The following C2 variants were observed in gnomAD, a reference collection of about 807,000 sequenced individuals.
C2 encodes the protein complement C2, also known as C3/C5 convertase.
Under a neutral mutation model 85.2 loss-of-function variants are expected in C2, and 64 were observed. The ratio of observed to expected loss-of-function variants is 0.75; its 90% confidence interval spans 0.61 to 0.92. C2 has a LOEUF of 0.92. Ranked by LOEUF, C2 falls within the 40% of genes least tolerant of loss-of-function variation. The probability of loss-of-function intolerance (pLI) is 0.00; values close to 1 mark genes in which losing one functional copy is unlikely to be tolerated. For missense variants in C2, 820 were observed against 971.6 expected, an observed-to-expected ratio of 0.84 and a Z score of 2.07; for synonymous variants, 311 against 370.8, an observed-to-expected ratio of 0.84 and a Z score of 1.85.
chr6:31,931,332 A>G (rs1375201975), intron 3 of C2, among the ~76,000 whole-genome samples: 1 of 149,138 alleles, frequency 6.7e-6, no homozygotes, highest in African/African-American at 2.5e-5. Flanking sequence ...GCAGGGTCAC[A>G]GGACAATAGT....
Position 31,921,641 on chromosome 6 carries a change from G to A in C2, c.-100+1615G>A. On this transcript the variant is annotated intron_variant, in intron 1 of 3. Transcript: ENST00000413154. This position sits in a 1 kb window ranked among gnomAD's most constrained non-coding sequence, Gnocchi z 4.6. ...CGGCTCTGCTGCTTAGTACCTGTAT[G>A]AACCTGGGGCAGCTCACTTAACCTT... Among the ~76,000 whole-genome samples the A allele has an allele frequency of 6.6e-6, 1 of 152,126 alleles. No homozygotes were observed. The highest frequency in any genetic ancestry group is 1.9e-4 in the East Asian group (1 of 5,194).
Position 31,939,352 on chromosome 6 carries a change from C to T in C2, c.1219+32C>T, listed in dbSNP as rs770363433. The T allele has an allele frequency of 2.0e-6, 3 of 1,503,330 alleles. No homozygotes were observed. The South Asian group carries it at 3.4e-5, about 17-fold the overall frequency. The allele number at this position is 1,503,330 out of a possible 1,614,324, so 93.1% of individuals were successfully genotyped here. Reference sequence around the variant, plus strand: ...CCCTGCCACTGCCACCACATTTGTTCTGCTCCTGCAGAGGTCATGAGATCT... The same window carrying T: ...CCCTGCCACTGCCACCACATTTGTTTTGCTCCTGCAGAGGTCATGAGATCT... On this transcript the variant is annotated intron_variant, in intron 9 of 17. Transcript: ENST00000299367.
chr6:31,913,076 A>G (rs1277899031), intron 1 of C2, among the ~76,000 whole-genome samples: 1 of 150,574 alleles, frequency 6.6e-6, no homozygotes, highest in Non-Finnish European at 1.5e-5. Context: ...TGGCAAGGCT[A>G]TGGTGCCCTT....
intron 7 of C2, 124 bp from the exon 8 acceptor site, chr6:31,937,195 C>T (rs972097151): frequency 1.3e-5 from 13 of 968,474 alleles, no homozygotes; most frequent in African/African-American, 1.8e-5. Flanking sequence ...GGTGGCAGAG[C>T]GAGACTCTCT....
rs369273342 is a variant in C2, at chr6:31,935,997, C to A, written c.924C>A (p.Val308=). ...CAGAGCCCAAAGTCCTCATGTCTGT[C>A]CTGAACGACAACTCCCGGGATATGA... ...FASEPKVLMS[V]LNDNSRDMTE... is the part of the protein sequence containing the mutation. The change falls in exon 7 of 18, where the codon GTC becomes GTA. Residue 308 remains valine (V), a synonymous_variant. Transcript: ENST00000299367. The surrounding 1 kb of genome is among the most constrained non-coding windows in gnomAD (Gnocchi z 4.3). The A allele has an allele frequency of 6.2e-7, 1 of 1,612,922 alleles. No homozygotes were observed. The highest frequency in any genetic ancestry group is 8.5e-7 in the Non-Finnish European group (1 of 1,180,026).
At chr6:31,934,372 C>T (rs1159478322) in intron 6 of C2, 73 bp downstream of exon 6, 1 of 1,597,728 alleles carries the variant, frequency 6.3e-7, no homozygotes, top group South Asian at 1.1e-5. Flanking sequence ...CCTTCCCCTC[C>T]TCAGAACCCC....
upstream of C2, chr6:31,899,741 T>C: frequency 1.5e-6 from 1 of 645,226 alleles, no homozygotes; most frequent in South Asian, 2.3e-5. Flanking sequence ...CTCCAGATTC[T>C]TGCACTCTCA....
At chr6:31,917,172 GAAA>G (rs1273347156), upstream of C2, among the ~76,000 whole-genome samples, 2 of 83,284 alleles carry the variant, frequency 2.4e-5, no homozygotes, top group African/African-American at 9.1e-5. Context: ...CTCTGTCTCA[GAAA>G]AAAAAAAAAA....
upstream of C2, among the ~76,000 whole-genome samples, chr6:31,924,097 G>A (rs1219180286): frequency 2.0e-5 from 3 of 152,244 alleles, no homozygotes; most frequent in African/African-American, 7.2e-5. Flanking sequence ...ACCGCGCCCG[G>A]CCTCTGAGGC....
In C2 at chr6:31,904,548, G is replaced by A. The variant is rs1243437526; in HGVS notation, c.73+3409G>A. On this transcript the variant is annotated intron_variant, in intron 1 of 3. Coordinates refer to the C2 transcript ENST00000452202. This position sits in a 1 kb window ranked among gnomAD's most constrained non-coding sequence, Gnocchi z 4.4. ...AGGCTGGTCTCGAACTCCTGACCTCGGGTGATCCACCTTGCTCAGCCTCCC... is the reference window on the plus strand; with the variant it reads ...AGGCTGGTCTCGAACTCCTGACCTCAGGTGATCCACCTTGCTCAGCCTCCC... Among the ~76,000 whole-genome samples the A allele has an allele frequency of 2.0e-5, 3 of 151,864 alleles. No homozygotes were observed. Among genetic ancestry groups the A allele is most frequent in the Non-Finnish European group, 2.9e-5 (2 of 67,980 alleles).
Position 31,933,900 on chromosome 6 carries a change from C to T in C2, c.650C>T (p.Ala217Val). The change falls in exon 5 of 18, where the codon GCC (alanine) becomes GTC (valine). Residue 217 changes from alanine to valine, a missense_variant. By Grantham distance (64) the Ala-to-Val change is moderately conservative. Coordinates refer to ENST00000299367, the MANE Select transcript of C2 (RefSeq NM_000063.6). ...TCTTATGACTTCCCTGAGGACGTGGCCCCTGCCCTGGGCACTTCCTTCTCC... is the reference window on the plus strand; with the variant it reads ...TCTTATGACTTCCCTGAGGACGTGGTCCCTGCCCTGGGCACTTCCTTCTCC... ...PYSYDFPEDV[A>V]PALGTSFSHM... 6.2e-7 allele frequency: 1 copy of T among 1,614,160 alleles called. No homozygotes were observed. The highest frequency in any genetic ancestry group is 8.5e-7 in the Non-Finnish European group (1 of 1,180,002).
rs532134132 is a variant in C2, at chr6:31,904,273, C to T, written c.73+3134C>T. On this transcript the variant is annotated intron_variant, in intron 1 of 3. Transcript: ENST00000452202. The surrounding 1 kb of genome is among the most constrained non-coding windows in gnomAD (Gnocchi z 4.4). ...GTTCTCCTTTTCCTAATCTGGGAAACGGACTATGAAATTTTCAAAAGAATT... is the reference window on the plus strand; with the variant it reads ...GTTCTCCTTTTCCTAATCTGGGAAATGGACTATGAAATTTTCAAAAGAATT... 2.6e-5 allele frequency among the ~76,000 whole-genome samples: 4 copies of T among 152,054 alleles called. No homozygotes were observed. The highest frequency in any genetic ancestry group is 2.0e-4 in the Admixed American group (3 of 15,264).
chr6:31,934,290 G>T lies in C2; in HGVS notation c.840G>T (p.Met280Ile), dbSNP rs781375635. The change falls in exon 6 of 18, where the codon ATG (methionine) becomes ATT (isoleucine). Residue 280 changes from methionine (M) to isoleucine (I), a missense_variant. Physicochemically the swap from Met to Ile is conservative, Grantham distance 10. Transcript: ENST00000299367. ...FLIFKESASL[M>I]VDRIFSFEIN... Reference sequence around the variant, plus strand: ...TCTTCAAGGAGAGCGCCTCCCTCATGGTGGACAGGGTCAGGAATCAGGAGT... The same window carrying T: ...TCTTCAAGGAGAGCGCCTCCCTCATTGTGGACAGGGTCAGGAATCAGGAGT... 2.5e-6 allele frequency: 4 copies of T among 1,594,118 alleles called. No individual in the cohort carries two copies. The highest frequency in any genetic ancestry group is 2.6e-6 in the Non-Finnish European group (3 of 1,162,828).
chr6:31,936,918 T>G, intron 7 of C2: 1 of 221,388 alleles, frequency 4.5e-6, no homozygotes, highest in African/African-American at 2.3e-5. Context: ...AATCGATAAA[T>G]TGCATTTCCA....
upstream of C2, among the ~76,000 whole-genome samples, chr6:31,923,449 AGCCTT>A (rs980674313): frequency 6.6e-6 from 1 of 152,038 alleles, no homozygotes; most frequent in Admixed American, 6.6e-5. Flanking sequence ...ACGCCATCTC[AGCCTT>A]GTCTGCTTAC....
At chr6:31,916,285 A>G (rs1317818187), upstream of C2, among the ~76,000 whole-genome samples, 4 of 152,112 alleles carry the variant, frequency 2.6e-5, no homozygotes, top group African/African-American at 4.8e-5. Flanking sequence ...TTGGCCGGGT[A>G]TGGTGGCTCA....
rs1216063807 is a variant in C2 at position 31,921,815 on chromosome 6, C to A, written c.-100+1789C>A. Among the ~76,000 whole-genome samples the A allele has an allele frequency of 6.6e-6, 1 of 152,144 alleles. No homozygotes were observed. The highest frequency in any genetic ancestry group is 1.5e-5 in the Non-Finnish European group (1 of 68,026). ...CTGCTAATATGAAGTCTTCCTCCCC[C>A]AGAAGCAGACCTGGAGACAAGGGTT... On this transcript the variant is annotated intron_variant, in intron 1 of 3. Transcript: ENST00000413154. This position sits in a 1 kb window ranked among gnomAD's most constrained non-coding sequence, Gnocchi z 4.6.
At chr6:31,911,877 G>A (rs1453960663) in intron 1 of C2, among the ~76,000 whole-genome samples, 3 of 150,266 alleles carry the variant, frequency 2.0e-5, no homozygotes, top group Non-Finnish European at 2.9e-5. Context: ...TGATTTGCCC[G>A]CCTCAGCCTC....
intron 1 of C2, among the ~76,000 whole-genome samples, chr6:31,909,889 GT>G (rs1301868992): frequency 1.3e-5 from 2 of 148,828 alleles, no homozygotes; most frequent in Non-Finnish European, 3.0e-5. Flanking sequence ...TTTGTTTTTT[GT>G]TTTTTTTTGA....
Sources: gnomAD v4.1 joint callset for allele counts (sites outside exome capture counted in the v4.1 genomes callset) on GRCh38, gnomAD v4.1.1 for gene constraint, Gnocchi (gnomAD v3.1) non-coding constraint, MANE v1.5 for transcripts, NCBI Gene and HGNC (gene_info 2026-07-23, HGNC 2026-07-21) for gene names.